ABCC4: variants seen among roughly 807,000 people sequenced by gnomAD.
ABCC4 encodes ATP binding cassette subfamily C member 4 (PEL blood group), also known as ATP-binding cassette sub-family C member 4.
ABCC4 carries 102 observed loss-of-function variants against 168.5 expected under a neutral mutation model. The observed-to-expected ratio is 0.61, with a 90% CI of 0.52 to 0.71. ABCC4 has a LOEUF of 0.71. Among genes scored for constraint, ABCC4 ranks in the 30% least tolerant of loss-of-function variants. The pLI is 0.00. For synonymous variants in ABCC4, 617 were observed against 590.7 expected (o/e 1.04, Z -0.65); for missense variants, 1,402 against 1,605.8 (o/e 0.87, Z 2.17).
intron 21 of ABCC4, among the ~76,000 whole-genome samples, 159 bp downstream of exon 21, chr13:95,082,977 CTCTA>C (rs2034144789): frequency 6.6e-6 from 1 of 152,120 alleles, no homozygotes; most frequent in Admixed American, 6.6e-5. Context: ...ATTCCACATG[CTCTA>C]AGGGACACAA....
intron 1 of ABCC4, among the ~76,000 whole-genome samples, chr13:95,278,122 G>T (rs1245567967): frequency 6.7e-6 from 1 of 148,996 alleles, no homozygotes; most frequent in Non-Finnish European, 1.5e-5. Context: ...CAGGTTACAG[G>T]TTATTTCTGA....
chr13:95,166,137 T>A, intron 15 of ABCC4, 21 bp downstream of exon 15: 1 of 1,602,102 alleles, frequency 6.2e-7, no homozygotes, highest in Non-Finnish European at 8.6e-7. Flanking sequence ...CAGGCCATGT[T>A]GTAACAGGAG....
At chr13:95,089,026 C>T (rs1284321880) in intron 20 of ABCC4, among the ~76,000 whole-genome samples, 1 of 151,968 alleles carries the variant, frequency 6.6e-6, no homozygotes. Context: ...AGAGATACTA[C>T]AGGCATTAAA....
rs67671921 is a variant in ABCC4, at chr13:95,157,088, C to CCACACACACACACA, written c.2455+4087_2455+4100dup. Among the ~76,000 whole-genome samples the CCACACACACACACA allele has an allele frequency of 8.3e-3, 1,124 of 134,662 alleles. 12 individuals are homozygous for CCACACACACACACA. Among genetic ancestry groups the CCACACACACACACA allele is most frequent in the African/African-American group, 0.021 (694 of 33,514 alleles). 88.3% of individuals were successfully genotyped at this position (134,662 alleles called of 152,430 possible). A position where few individuals can be genotyped will look rare whatever the true frequency, so the allele number is the denominator to read the frequency against. ...GCCTGGGCGACAGAGTGAGACTCTA[C>CCACACACACACACA]CACACACACACACACACACACACAC... On this transcript the variant is annotated intron_variant, in intron 19 of 30. Coordinates refer to ENST00000645237, the MANE Select transcript of ABCC4 (RefSeq NM_005845.5).
At chr13:95,095,304 A>ATCTATCTATCTG (rs1364896531) in intron 20 of ABCC4, among the ~76,000 whole-genome samples, 5 of 151,826 alleles carry the variant, frequency 3.3e-5, no homozygotes, top group South Asian at 2.1e-4. Context: ...CTATCTATCT[A>ATCTATCTATCTG]TCTATCTATC....
intron 19 of ABCC4, among the ~76,000 whole-genome samples, chr13:95,151,571 G>A (rs1305916809): frequency 1.3e-5 from 2 of 148,888 alleles, no homozygotes; most frequent in Non-Finnish European, 3.0e-5. Context: ...AGAAGGAGAA[G>A]AAGGAGGAGG....
intron 1 of ABCC4, among the ~76,000 whole-genome samples, chr13:95,267,247 G>A (rs1422033717): frequency 6.6e-6 from 1 of 152,100 alleles, no homozygotes; most frequent in South Asian, 2.1e-4. Context: ...CTCGGTGGGA[G>A]GCAACTGAAT....
At chr13:95,088,790 C>T (rs2034337884) in intron 20 of ABCC4, among the ~76,000 whole-genome samples, 1 of 149,834 alleles carries the variant, frequency 6.7e-6, no homozygotes, top group Non-Finnish European at 1.5e-5. Context: ...ATATACCTTA[C>T]AAAGATAGAA....
chr13:95,116,679 A>T (rs2035390261), intron 19 of ABCC4, among the ~76,000 whole-genome samples: 1 of 152,198 alleles, frequency 6.6e-6, no homozygotes, highest in Admixed American at 6.5e-5. Flanking sequence ...CTTAGCATCG[A>T]CTTTATTTCC....
intron 3 of ABCC4, among the ~76,000 whole-genome samples, chr13:95,240,518 AACTCCATCTCAAAACACAC>A (rs2039907610): frequency 7.0e-6 from 1 of 143,412 alleles, no homozygotes; most frequent in African/African-American, 2.7e-5. Flanking sequence ...GCAAGAGCAA[AACTCCATCTCAAAACACAC>A]ACACACACAC....
At chr13:95,262,735 C>T (rs1459966695) in intron 1 of ABCC4, among the ~76,000 whole-genome samples, 2 of 151,618 alleles carry the variant, frequency 1.3e-5, no homozygotes, top group Non-Finnish European at 2.9e-5. Context: ...TGGGTTCAAG[C>T]GATTCTCCTG....
At chr13:95,271,066 G>C (rs958616597) in intron 1 of ABCC4, among the ~76,000 whole-genome samples, 1 of 152,302 alleles carries the variant, frequency 6.6e-6, no homozygotes, top group African/African-American at 2.4e-5. Context: ...CTGCACTCCA[G>C]CCTGGGGGAC....
intron 29 of ABCC4, 85 bp from the exon 30 acceptor site, chr13:95,034,824 AG>A (rs2032051054): frequency 8.2e-6 from 13 of 1,580,524 alleles, no homozygotes; most frequent in South Asian, 1.1e-5. Flanking sequence ...GGAAAGGGGC[AG>A]GAGAGGGAGA....
chr13:95,095,455 T>C (rs956466726), intron 20 of ABCC4, among the ~76,000 whole-genome samples: 1 of 152,156 alleles, frequency 6.6e-6, no homozygotes, highest in Non-Finnish European at 1.5e-5. Context: ...AACCAAACAT[T>C]GTATGTTCTC....
rs11568679 is a variant in ABCC4, at chr13:95,209,487, T to C, written c.732A>G (p.Leu244=). 51 of 1,614,204 alleles carry C rather than the reference T, an allele frequency of 3.2e-5. 2 individuals are homozygous for C. Among genetic ancestry groups the C allele is most frequent in the African/African-American group, 1.9e-4 (14 of 75,058 alleles). The change falls in exon 6 of 31, where the codon CTA becomes CTG. Residue 244 remains leucine (L), a synonymous_variant. Coordinates refer to ENST00000645237, the MANE Select transcript of ABCC4 (RefSeq NM_005845.5). ...GISCLAGMAV[L]IILLPLQSCF... The stretch of plus-strand genomic sequence containing the variant: ...AGCTTTGCAAGGGCAGGAGAATGAT[T>C]AGAACTGCCATCCCAGCAAGGCACG...
At chr13:95,110,985 G>GAAAAA (rs35464540) in intron 20 of ABCC4, among the ~76,000 whole-genome samples, 1 of 123,294 alleles carries the variant, frequency 8.1e-6, no homozygotes. Flanking sequence ...AAAAAAGAAA[G>GAAAAA]AAAAAAAAAA....
intron 8 of ABCC4, among the ~76,000 whole-genome samples, chr13:95,197,531 G>C (rs1050433880): frequency 6.6e-6 from 1 of 152,228 alleles, no homozygotes; most frequent in African/African-American, 2.4e-5. Flanking sequence ...TGAACGGCTT[G>C]TAAAGATGCT....
In ABCC4 at chr13:95,301,405, G is replaced by A. The variant is rs1406172327; in HGVS notation, c.-91C>T. The A allele has an allele frequency of 1.7e-5, 20 of 1,179,378 alleles. No homozygotes were observed. Among genetic ancestry groups the A allele is most frequent in the Non-Finnish European group, 2.2e-5 (19 of 864,758 alleles). 73.1% of individuals were successfully genotyped at this position (1,179,378 alleles called of 1,614,324 possible). ...CTCCTGGACCTCAAGCAGGGATGCTGGGGCTCCGGCCGCCACGCCTGTCCG... is the reference window on the plus strand; with the variant it reads ...CTCCTGGACCTCAAGCAGGGATGCTAGGGCTCCGGCCGCCACGCCTGTCCG... On this transcript the variant is annotated 5_prime_UTR_variant, in exon 1 of 31. Transcript: ENST00000645237.
In ABCC4 at chr13:95,021,670, T is replaced by C; in HGVS notation, c.3883A>G (p.Arg1295Gly). The change falls in exon 31 of 31, where the codon AGA becomes GGA. Residue 1295 changes from arginine to glycine, a missense_variant. Physicochemically the swap from Arg to Gly is moderately radical, Grantham distance 125. This residue lies in a region of ABCC4 where 1,007 missense variants were observed against 1,127.3 expected (regional missense o/e 0.89). Transcript: ENST00000645237. ...TETAKQVYFK[R>G]NYPHIGHTDH... ...GTGTGACCAATATGTGGATAATTTC[T>C]TTTGAAGTATACCTAGAAAAAAAAA... 1 of 1,604,420 alleles carries C rather than the reference T, an allele frequency of 6.2e-7. No homozygotes were observed. The highest frequency in any genetic ancestry group is 1.7e-5 in the Admixed American group (1 of 59,380).
Sources: gnomAD v4.1 joint callset for allele counts (sites outside exome capture counted in the v4.1 genomes callset) on GRCh38, gnomAD v4.1.1 for gene constraint, gnomAD v4.1.1 regional missense constraint, MANE v1.5 for transcripts, NCBI Gene and HGNC (gene_info 2026-07-23, HGNC 2026-07-21) for gene names.